MBOAT2: variants seen among roughly 807,000 people sequenced by gnomAD.
MBOAT2 encodes membrane bound glycerophospholipid O-acyltransferase 2.
MBOAT2 carries 28 observed loss-of-function variants against 63.4 expected under a neutral mutation model. The ratio of observed to expected loss-of-function variants is 0.44; its 90% CI spans 0.33 to 0.61. MBOAT2 has a LOEUF of 0.61. Ranked by LOEUF, MBOAT2 falls within the 20% of genes least tolerant of loss-of-function variation. The pLI is 0.03. For missense variants in MBOAT2, 470 were observed against 605.8 expected (o/e 0.78, Z 2.35); for synonymous variants, 211 against 215.6 (o/e 0.98, Z 0.19).
At chr2:8,978,628 A>G (rs1415903353) in intron 1 of MBOAT2, among the ~76,000 whole-genome samples, 1 of 152,070 alleles carries the variant, frequency 6.6e-6, no homozygotes, top group Non-Finnish European at 1.5e-5. Flanking sequence ...ACACATAGAC[A>G]CAGGGAGGGG....
At chr2:8,888,843 C>T (rs1316394277) in intron 4 of MBOAT2, among the ~76,000 whole-genome samples, 3 of 152,010 alleles carry the variant, frequency 2.0e-5, no homozygotes, top group African/African-American at 4.8e-5. Flanking sequence ...CCCTGGTCAA[C>T]ACAGCAAGAC....
intron 1 of MBOAT2, among the ~76,000 whole-genome samples, chr2:8,987,350 C>CA (rs1196317548): frequency 1.3e-5 from 2 of 152,190 alleles, no homozygotes; most frequent in Non-Finnish European, 2.9e-5. Flanking sequence ...TTCACCTTTA[C>CA]AAGGGTTACA....
chr2:8,904,368 G>A (rs1258009267), intron 4 of MBOAT2, among the ~76,000 whole-genome samples: 1 of 150,944 alleles, frequency 6.6e-6, no homozygotes, highest in Non-Finnish European at 1.5e-5. Flanking sequence ...CTGGAGTACA[G>A]TTGTGCGAAC....
chr2:8,868,924 C>G (rs1261531625), intron 8 of MBOAT2, among the ~76,000 whole-genome samples: 1 of 152,136 alleles, frequency 6.6e-6, no homozygotes, highest in Non-Finnish European at 1.5e-5. Context: ...TCTGGGAGCA[C>G]CATGTTCTTT....
At chr2:8,984,031 T>C (rs1671379429) in intron 1 of MBOAT2, among the ~76,000 whole-genome samples, 1 of 152,308 alleles carries the variant, frequency 6.6e-6, no homozygotes, top group East Asian at 1.9e-4. Context: ...GAACTATGAA[T>C]AGAATATTAT....
chr2:8,877,317 G>T, intron 6 of MBOAT2, 104 bp from the exon 7 acceptor site: 1 of 1,108,124 alleles, frequency 9.0e-7, no homozygotes, highest in Non-Finnish European at 1.3e-6. Flanking sequence ...AGTAAAACAA[G>T]CTTTCATTTT....
In MBOAT2 at chr2:8,924,706, C is replaced by CT. The variant is rs752934933; in HGVS notation, c.300-15991dup. Among the ~76,000 whole-genome samples the CT allele has an allele frequency of 9.8e-3, 1,361 of 139,366 alleles. 13 individuals are homozygous for CT. Among genetic ancestry groups the CT allele is most frequent in the Admixed American group, 0.038 (529 of 13,880 alleles). The allele number at this position is 139,366 out of a possible 152,430, so 91.4% of individuals were successfully genotyped here. A position where few individuals can be genotyped will look rare whatever the true frequency, so the allele number is the denominator to read the frequency against. The stretch of plus-strand genomic sequence containing the variant: ...CCCCCACCCAGCTATGGTTCAGCTG[C>CT]TTTTTTTTTTTTTTTAACAAAATCT... On this transcript the variant is annotated intron_variant, in intron 3 of 12. Transcript: ENST00000305997.
intron 6 of MBOAT2, among the ~76,000 whole-genome samples, chr2:8,882,065 G>C (rs1663177207): frequency 6.6e-6 from 1 of 152,052 alleles, no homozygotes; most frequent in Admixed American, 6.5e-5. Context: ...TATCTGACTG[G>C]TTCTTTATTA....
chr2:8,963,453 A>G (rs994669612), intron 1 of MBOAT2, among the ~76,000 whole-genome samples: 1 of 152,010 alleles, frequency 6.6e-6, no homozygotes, highest in African/African-American at 2.4e-5. Context: ...ACAGGCATGC[A>G]CTACCACGCC....
chr2:8,930,810 C>T (rs1044604696), intron 3 of MBOAT2, among the ~76,000 whole-genome samples: 1 of 152,014 alleles, frequency 6.6e-6, no homozygotes. Context: ...CACAGGTATA[C>T]ATATGTAACA....
At chr2:8,910,843 T>C (rs976293929) in intron 3 of MBOAT2, among the ~76,000 whole-genome samples, 1 of 152,140 alleles carries the variant, frequency 6.6e-6, no homozygotes, top group East Asian at 1.9e-4. Flanking sequence ...TGAAAAGAGA[T>C]GTTTAGGTCC....
At position 8,914,894 on chromosome 2, in the gene MBOAT2, G is replaced by A. The variant is rs10929560; in HGVS notation, c.300-6178C>T. Among the ~76,000 whole-genome samples the A allele has an allele frequency of 6.5e-5, 9 of 137,788 alleles. No individual in the cohort carries two copies. The South Asian group carries it at 1.8e-3, about 28-fold the overall frequency. The allele number at this position is 137,788 out of a possible 152,430, so 90.4% of individuals were successfully genotyped here. A position where few individuals can be genotyped will look rare whatever the true frequency, so the allele number is the denominator to read the frequency against. On this transcript the variant is annotated intron_variant, in intron 3 of 12. Coordinates refer to ENST00000305997, the MANE Select transcript of MBOAT2 (RefSeq NM_138799.4). ...ATTACTAAAATATATTACTTAATGTGCTTTTTTTTCAGTTTTTAAACTGTG... is the reference window on the plus strand; with the variant it reads ...ATTACTAAAATATATTACTTAATGTACTTTTTTTTCAGTTTTTAAACTGTG...
chr2:8,924,095 C>T (rs561161872), intron 3 of MBOAT2, among the ~76,000 whole-genome samples: 9 of 152,212 alleles, frequency 5.9e-5, no homozygotes, highest in South Asian at 2.1e-4. Context: ...AATGAGAAAT[C>T]GTCTCTATAT....
chr2:8,858,385 G>A lies in MBOAT2; in HGVS notation c.*294C>T, dbSNP rs185433617. 3.4e-4 allele frequency: 92 copies of A among 273,516 alleles called. No homozygotes were observed. Among genetic ancestry groups the A allele is most frequent in the African/African-American group, 1.7e-3 (78 of 46,014 alleles). 16.9% of individuals were successfully genotyped at this position (273,516 alleles called of 1,614,324 possible). On this transcript the variant is annotated 3_prime_UTR_variant, in exon 13 of 13. Transcript: ENST00000305997. ...CCACCTCTTCAGTGCCTTGGGATAC[G>A]CAACATACATTCAGCAACAGGGCAC...
chr2:8,974,317 G>C, intron 1 of MBOAT2: 1 of 454,042 alleles, frequency 2.2e-6, no homozygotes, highest in Non-Finnish European at 4.4e-6. Flanking sequence ...TACTGGGAAA[G>C]TCTTCCTCAC....
chr2:8,921,758 A>G (rs1322541930), intron 3 of MBOAT2, among the ~76,000 whole-genome samples: 1 of 152,152 alleles, frequency 6.6e-6, no homozygotes, highest in Admixed American at 6.5e-5. Flanking sequence ...TAAGAATTTT[A>G]TCATTGCTCT....
In MBOAT2 at chr2:8,954,932, C is replaced by T. The variant is rs75752707; in HGVS notation, c.221+3565G>A. ...AGCAGAGTGGGGCACCCAACAATGA[C>T]ACAGGTGGATCAGTTCCAGGTCGCC... On this transcript the variant is annotated intron_variant, in intron 2 of 12. Transcript: ENST00000305997. 4.6e-5 allele frequency among the ~76,000 whole-genome samples: 7 copies of T among 152,332 alleles called. No homozygotes were observed. The East Asian group carries it at 1.3e-3, about 29-fold the overall frequency.
intron 3 of MBOAT2, among the ~76,000 whole-genome samples, chr2:8,920,913 G>A (rs924484618): frequency 6.6e-6 from 1 of 152,082 alleles, no homozygotes; most frequent in East Asian, 1.9e-4. Context: ...GTCTTTTTCT[G>A]TGGCTATTCC....
intron 5 of MBOAT2, among the ~76,000 whole-genome samples, chr2:8,884,076 G>GA (rs1052109418): frequency 6.0e-5 from 8 of 132,986 alleles, no homozygotes; most frequent in Non-Finnish European, 1.3e-4. Flanking sequence ...AAAAAAAAAA[G>GA]AAAAAAAAAA....
Sources: allele counts gnomAD v4.1 joint callset (sites outside exome capture counted in the v4.1 genomes callset), GRCh38; gene constraint gnomAD v4.1.1; transcripts MANE v1.5; gene names NCBI Gene and HGNC (gene_info 2026-07-23, HGNC 2026-07-21).